The following DAB1 variants were observed in gnomAD, a reference collection of about 807,000 sequenced individuals.
DAB1 encodes the protein disabled homolog 1.
A neutral mutation model predicts 64.6 loss-of-function variants in DAB1; 15 were observed. The ratio of observed to expected loss-of-function variants is 0.23; its 90% CI spans 0.16 to 0.36. The LOEUF (loss-of-function observed/expected upper bound fraction) is 0.36. DAB1 is among the 10% of genes least tolerant of loss of function. The pLI is 1.00. For missense variants in DAB1, 596 were observed against 706.7 expected (o/e 0.84, Z 1.78); for synonymous variants, 235 against 251.9 (o/e 0.93, Z 0.64).
intron 3 of DAB1, among the ~76,000 whole-genome samples, chr1:58,453,812 A>T (rs1290833196): frequency 6.6e-6 from 1 of 152,012 alleles, no homozygotes. Flanking sequence ...GGACTTCACA[A>T]AGATCTCACA....
At chr1:58,166,831 C>T (rs554661113) in intron 4 of DAB1, among the ~76,000 whole-genome samples, 1 of 147,754 alleles carries the variant, frequency 6.8e-6, no homozygotes, top group Non-Finnish European at 1.5e-5. Flanking sequence ...CTGCAACCTC[C>T]GCCCCCCAGG....
At chr1:57,690,146 T>C (rs1189310915) in intron 6 of DAB1, among the ~76,000 whole-genome samples, 1 of 152,124 alleles carries the variant, frequency 6.6e-6, no homozygotes, top group Non-Finnish European at 1.5e-5. Context: ...ATTTTCTTTA[T>C]TCATTTATCT....
chr1:58,434,216 G>C (rs1011030327), intron 3 of DAB1, among the ~76,000 whole-genome samples: 1 of 152,116 alleles, frequency 6.6e-6, no homozygotes, highest in African/African-American at 2.4e-5. Flanking sequence ...GACGTTAAGG[G>C]GCAAGGAAAG....
intron 3 of DAB1, among the ~76,000 whole-genome samples, chr1:58,375,522 G>A (rs1205497387): frequency 6.8e-6 from 1 of 146,462 alleles, no homozygotes; most frequent in African/African-American, 2.5e-5. Context: ...TGCATCCCAG[G>A]GATGAAGCCC....
intron 1 of DAB1, among the ~76,000 whole-genome samples, chr1:57,313,701 T>A (rs1674936984): frequency 6.6e-6 from 1 of 152,238 alleles, no homozygotes; most frequent in Non-Finnish European, 1.5e-5. Context: ...TATATTACGT[T>A]TATTATTCAG....
chr1:57,545,999 T>C (rs1184533173), intron 7 of DAB1, among the ~76,000 whole-genome samples: 3 of 152,170 alleles, frequency 2.0e-5, no homozygotes, highest in Non-Finnish European at 4.4e-5. Context: ...AGGAGATGTG[T>C]TTCCAGGAGT....
chr1:57,889,928 G>A (rs573924710), intron 5 of DAB1, among the ~76,000 whole-genome samples: 14 of 149,612 alleles, frequency 9.4e-5, no homozygotes, highest in Non-Finnish European at 8.9e-5. Flanking sequence ...AGAAATCACT[G>A]GAGTAGAGGA....
chr1:58,480,843 G>A, intron 3 of DAB1: 1 of 632,978 alleles, frequency 1.6e-6, no homozygotes, highest in Non-Finnish European at 2.7e-6. Context: ...TATCTGTAAT[G>A]TACATGATTT....
chr1:57,695,365 A>AAAGGAAAG (rs1646821685), intron 6 of DAB1, among the ~76,000 whole-genome samples: 1 of 36,912 alleles, frequency 2.7e-5, no homozygotes, highest in Non-Finnish European at 4.7e-5. Context: ...AAGAAAGAAG[A>AAAGGAAAG]AAGAAAGAAA....
chr1:57,017,487 C>T (rs143291579), intron 11 of DAB1, among the ~76,000 whole-genome samples: 5 of 152,220 alleles, frequency 3.3e-5, no homozygotes, highest in African/African-American at 1.2e-4. Context: ...CAGATGTACC[C>T]GCCTTCATCT....
In DAB1 at chr1:58,028,747, A is replaced by G. The variant is rs557257296; in HGVS notation, n.387+121764T>C. On this transcript the variant is annotated intron_variant and non_coding_transcript_variant, in intron 5 of 20. Transcript: ENST00000485760. The stretch of plus-strand genomic sequence containing the variant: ...GGGTTACAAATAAATTTTAGTGAGT[A>G]GTCAAATTTGCAAATGTGGAATCTG... 9.2e-5 allele frequency among the ~76,000 whole-genome samples: 14 copies of G among 152,298 alleles called. No individual in the cohort carries two copies. The South Asian group carries it at 2.7e-3, about 29-fold the overall frequency.
At chr1:57,902,196 G>A (rs905050741) in intron 5 of DAB1, among the ~76,000 whole-genome samples, 7 of 149,042 alleles carry the variant, frequency 4.7e-5, no homozygotes, top group African/African-American at 1.7e-4. Context: ...GAAAAGTATT[G>A]AAAAGCTTTA....
rs192166077 is a variant in DAB1, at chr1:58,028,323, C to A, written n.387+122188G>T. ...GTTTCTGTTTAAAGACATCTTACTT[C>A]ATATATTTTGTTGATTCATTAACAT... is the stretch of plus-strand genomic sequence containing the variant. On this transcript the variant is annotated intron_variant and non_coding_transcript_variant, in intron 5 of 20. Coordinates refer to the DAB1 transcript ENST00000485760. Among the ~76,000 whole-genome samples, 40 of 152,298 alleles carry A rather than the reference C, an allele frequency of 2.6e-4. No individual in the cohort carries two copies. The East Asian group carries it at 6.6e-3, about 25-fold the overall frequency.
chr1:58,141,375 C>A (rs1359038073), intron 5 of DAB1, among the ~76,000 whole-genome samples: 1 of 152,108 alleles, frequency 6.6e-6, no homozygotes, highest in Non-Finnish European at 1.5e-5. Flanking sequence ...GAGACTTATT[C>A]ACTATCACGA....
Position 57,675,199 on chromosome 1 carries a change from T to C in DAB1, n.552-25534A>G, listed in dbSNP as rs184116652. On this transcript the variant is annotated intron_variant and non_coding_transcript_variant, in intron 6 of 20. Coordinates refer to the DAB1 transcript ENST00000485760. The stretch of plus-strand genomic sequence containing the variant: ...AACCAAACTTTGGCATGTCAATACC[T>C]ACATCCAGAGATTTGGGGATATTTT... 8.1e-4 allele frequency among the ~76,000 whole-genome samples: 124 copies of C among 152,328 alleles called. 1 individual carries two copies. Among genetic ancestry groups the C allele is most frequent in the Admixed American group, 1.2e-3 (19 of 15,280 alleles).
intron 3 of DAB1, among the ~76,000 whole-genome samples, chr1:58,368,681 G>A (rs956077612): frequency 3.9e-5 from 6 of 152,262 alleles, no homozygotes; most frequent in Admixed American, 2.0e-4. Flanking sequence ...TGTAGCATAC[G>A]GTGTCAGCAT....
intron 1 of DAB1, among the ~76,000 whole-genome samples, chr1:57,872,187 T>C (rs950849703): frequency 1.3e-5 from 2 of 152,234 alleles, no homozygotes; most frequent in Non-Finnish European, 2.9e-5. Context: ...AGCACTCTTA[T>C]GATCTGAATG....
intron 2 of DAB1, among the ~76,000 whole-genome samples, chr1:57,149,525 C>T (rs1217894214): frequency 6.6e-6 from 1 of 152,140 alleles, no homozygotes; most frequent in Non-Finnish European, 1.5e-5. Context: ...CTTTAGCCAT[C>T]CTAGTAGGTG....
chr1:57,314,395 C>T (rs1675005360), intron 1 of DAB1, among the ~76,000 whole-genome samples: 1 of 152,174 alleles, frequency 6.6e-6, no homozygotes, highest in African/African-American at 2.4e-5. Flanking sequence ...GGGAAGAGCA[C>T]CTGACTTGGA....
Sources: allele counts gnomAD v4.1 joint callset (sites outside exome capture counted in the v4.1 genomes callset), GRCh38; gene constraint gnomAD v4.1.1; transcripts MANE v1.5; gene names NCBI Gene and HGNC (gene_info 2026-07-23, HGNC 2026-07-21).